The following SOS1 variants were observed in gnomAD, a reference collection of about 807,000 sequenced individuals.
The protein encoded by SOS1 is SOS Ras/Rac guanine nucleotide exchange factor 1.
A neutral mutation model predicts 157.6 loss-of-function variants in SOS1; 25 were observed. That is an observed-to-expected ratio of 0.16 (90% confidence interval 0.12 to 0.22). The LOEUF is 0.22. Among genes scored for constraint, SOS1 ranks in the 10% least tolerant of loss-of-function variants. The probability of loss-of-function intolerance (pLI) is 1.00; values close to 1 mark genes in which losing one functional copy is unlikely to be tolerated. For synonymous variants in SOS1, 528 were observed against 534.0 expected (o/e 0.99, Z 0.16); for missense variants, 1,237 against 1,599.1 (o/e 0.77, Z 3.86).
intron 6 of SOS1, among the ~76,000 whole-genome samples, chr2:39,043,397 T>C (rs986652253): frequency 2.0e-5 from 3 of 152,248 alleles, no homozygotes; most frequent in African/African-American, 4.8e-5. Flanking sequence ...TAGTTTTTTC[T>C]TTACTGTCGT....
intron 1 of SOS1, among the ~76,000 whole-genome samples, chr2:39,069,040 GA>G (rs1156430168): frequency 6.6e-6 from 1 of 151,946 alleles, no homozygotes; most frequent in African/African-American, 2.4e-5. Context: ...AGTGTACAGG[GA>G]AAATTTTATA....
chr2:39,007,231 T>A, intron 15 of SOS1, 38 bp from the exon 16 acceptor site: 1 of 1,302,982 alleles, frequency 7.7e-7, no homozygotes. Context: ...GGTTTTAGAG[T>A]TTTTCCAATA....
intron 10 of SOS1, among the ~76,000 whole-genome samples, chr2:39,017,623 A>C (rs374676309): frequency 8.6e-4 from 131 of 152,192 alleles, no homozygotes; most frequent in African/African-American, 3.1e-3. Flanking sequence ...AACTAAAAAC[A>C]AACCAAGAAA....
At chr2:39,120,300 C>T in intron 1 of SOS1, 36 bp downstream of exon 1, 1 of 1,540,082 alleles carries the variant, frequency 6.5e-7, no homozygotes, top group Non-Finnish European at 8.8e-7. Context: ...CGCTGGGGGG[C>T]TGCGGCCGGG....
chr2:39,045,904 G>A (rs930543900), intron 6 of SOS1, among the ~76,000 whole-genome samples: 2 of 152,050 alleles, frequency 1.3e-5, no homozygotes, highest in African/African-American at 2.4e-5. Flanking sequence ...AGTAGAGACC[G>A]GGTTTCACCA....
chr2:39,087,113 G>A (rs1558507248), intron 1 of SOS1, among the ~76,000 whole-genome samples: 1 of 152,116 alleles, frequency 6.6e-6, no homozygotes, highest in Non-Finnish European at 1.5e-5. Context: ...TGCATCTGGT[G>A]ACAGTTTTTG....
chr2:39,010,811 C>A, intron 14 of SOS1, 108 bp from the exon 15 acceptor site: 1 of 848,358 alleles, frequency 1.2e-6, no homozygotes, highest in East Asian at 2.5e-5. Context: ...ATGAACTTTC[C>A]TCTTATACCA....
chr2:39,025,506 C>T (rs1459940759), intron 8 of SOS1, among the ~76,000 whole-genome samples: 1 of 151,610 alleles, frequency 6.6e-6, no homozygotes, highest in Non-Finnish European at 1.5e-5. Flanking sequence ...TCTGTCACCA[C>T]ACCTGACTGA....
chr2:39,110,027 T>TGTGC (rs1673356045), intron 1 of SOS1, among the ~76,000 whole-genome samples: 1 of 129,948 alleles, frequency 7.7e-6, no homozygotes, highest in South Asian at 2.7e-4. Flanking sequence ...CAGATACAGT[T>TGTGC]GTGTGTGTGT....
chr2:39,051,409 T>C (rs1671012258), intron 5 of SOS1, 122 bp from the exon 6 acceptor site: 1 of 833,496 alleles, frequency 1.2e-6, no homozygotes, highest in Non-Finnish European at 2.0e-6. Context: ...TGAAAAATTT[T>C]AATGACTTAG....
intron 6 of SOS1, among the ~76,000 whole-genome samples, chr2:39,035,978 T>A (rs1670329125): frequency 6.6e-6 from 1 of 152,218 alleles, no homozygotes; most frequent in South Asian, 2.1e-4. Flanking sequence ...TTCATTGTGA[T>A]AATTTCACAA....
intron 1 of SOS1, among the ~76,000 whole-genome samples, chr2:39,072,277 A>T (rs140135067): frequency 1.1e-4 from 16 of 152,236 alleles, no homozygotes; most frequent in African/African-American, 3.4e-4. Context: ...GGCTTTATGT[A>T]CTTATAATTT....
At chr2:39,061,685 G>A (rs934958580) in intron 2 of SOS1, among the ~76,000 whole-genome samples, 1 of 152,068 alleles carries the variant, frequency 6.6e-6, no homozygotes, top group African/African-American at 2.4e-5. Context: ...ACTGCATTCG[G>A]CCTTCATGTA....
At chr2:39,081,302 T>C (rs898034705) in intron 1 of SOS1, among the ~76,000 whole-genome samples, 83 of 152,274 alleles carry the variant, frequency 5.5e-4, no homozygotes, top group African/African-American at 1.9e-3. Context: ...GGCGGATCAC[T>C]GGAGGTCAGG....
intron 1 of SOS1, among the ~76,000 whole-genome samples, chr2:39,094,390 G>C (rs1195683963): frequency 1.3e-5 from 2 of 152,172 alleles, no homozygotes; most frequent in Non-Finnish European, 2.9e-5. Flanking sequence ...GCTCACGCCT[G>C]TAATCCCAGC....
rs758959404 is a variant in SOS1 at position 39,006,419 on chromosome 2, A to G, written c.2784T>C (p.Pro928=). The G allele has an allele frequency of 2.8e-6, 4 of 1,418,128 alleles. No individual in the cohort carries two copies. Among genetic ancestry groups the G allele is most frequent in the Non-Finnish European group, 4.0e-6 (4 of 1,001,752 alleles). 87.8% of individuals were successfully genotyped at this position (1,418,128 alleles called of 1,614,324 possible). A position where few individuals can be genotyped will look rare whatever the true frequency, so the allele number is the denominator to read the frequency against. ...TCAGAAAGAAATACTTACCAAAGAAAGGCACACATGGTGGATTAATAGACC... is the reference window on the plus strand; with the variant it reads ...TCAGAAAGAAATACTTACCAAAGAAGGGCACACATGGTGGATTAATAGACC... ...KLRSINPPCV[P]FFGIYLTNIL... is the part of the protein sequence containing the mutation. The change falls in exon 17 of 23, where the codon CCT becomes CCC. Residue 928 remains proline, a synonymous_variant. Transcript: ENST00000402219.
chr2:39,018,940 A>G (rs1368018129), intron 10 of SOS1, among the ~76,000 whole-genome samples: 1 of 151,832 alleles, frequency 6.6e-6, no homozygotes, highest in Non-Finnish European at 1.5e-5. Flanking sequence ...GAGAGTATAA[A>G]AATAGAACAG....
chr2:39,089,333 C>A (rs1199860207), intron 1 of SOS1, among the ~76,000 whole-genome samples: 2 of 152,098 alleles, frequency 1.3e-5, no homozygotes, highest in Non-Finnish European at 2.9e-5. Flanking sequence ...GAGTTCAAGA[C>A]TAGACTGGCC....
chr2:39,059,302 G>A (rs906349303), intron 2 of SOS1, among the ~76,000 whole-genome samples: 3 of 152,120 alleles, frequency 2.0e-5, no homozygotes, highest in Non-Finnish European at 4.4e-5. Context: ...TTGCATTGGT[G>A]ACAGCAATTT....
Sources: allele counts gnomAD v4.1 joint callset (sites outside exome capture counted in the v4.1 genomes callset), GRCh38; gene constraint gnomAD v4.1.1; transcripts MANE v1.5; gene names NCBI Gene and HGNC (gene_info 2026-07-23, HGNC 2026-07-21).